The following HTT variants were observed in gnomAD, a reference collection of about 807,000 sequenced individuals.
The protein encoded by HTT is huntingtin.
A neutral mutation model predicts 362.3 loss-of-function variants in HTT; 104 were observed. The observed-to-expected ratio is 0.29, with a 90% CI of 0.24 to 0.34. The LOEUF (loss-of-function observed/expected upper bound fraction) is 0.34, where lower values mean the gene tolerates loss of function less well. HTT is among the 10% of genes least tolerant of loss of function. The pLI, the probability that HTT is intolerant of heterozygous loss-of-function variation, is 1.00. For synonymous variants in HTT, 1,577 were observed against 1,548.7 expected, an observed-to-expected ratio of 1.02 and a Z score of -0.43; for missense variants, 3,301 against 3,928.6, an observed-to-expected ratio of 0.84 and a Z score of 4.27.
intron 52 of HTT, among the ~76,000 whole-genome samples, chr4:3,219,612 G>A (rs1213613332): frequency 6.6e-6 from 1 of 152,162 alleles, no homozygotes; most frequent in Non-Finnish European, 1.5e-5. Flanking sequence ...GGGTTCCGTT[G>A]GGTCCTTTGT....
At chr4:3,229,540 C>CCACA (rs531881241) in intron 59 of HTT, among the ~76,000 whole-genome samples, 1 of 150,148 alleles carries the variant, frequency 6.7e-6, no homozygotes, top group African/African-American at 2.5e-5. Context: ...CACACACATG[C>CCACA]CACACACACA....
At position 3,220,211 on chromosome 4, in the gene HTT, G is replaced by T; in HGVS notation, c.7272G>T (p.Pro2424=). Residue 2424 remains proline (P), a synonymous_variant, in exon 53 of 67, where the codon CCG becomes CCT. Coordinates refer to ENST00000355072, the MANE Select transcript of HTT (RefSeq NM_001388492.1). ...LVWKLGWSPK[P]GGDFGTAFPE... is the part of the protein sequence containing the mutation. ...GGAAGCTTGGATGGTCACCCAAACC[G>T]GGAGGGGATTTTGGCACAGCATTCC... The T allele has an allele frequency of 6.2e-7, 1 of 1,614,098 alleles. No homozygotes were observed. Among genetic ancestry groups the T allele is most frequent in the South Asian group, 1.1e-5 (1 of 91,078 alleles).
In HTT at chr4:3,222,469, G is replaced by A; in HGVS notation, c.7452G>A (p.Gln2484=). The change falls in exon 54 of 67, where the codon CAG becomes CAA. Residue 2484 remains glutamine, a synonymous_variant. Transcript: ENST00000355072. ...TGACGCAGCCCCTCGTGATGGAGCA[G>A]GAGGAGAGCCCACCAGAAGTAAGGC... The part of the protein sequence containing the change: ...VLVTQPLVME[Q]EESPPEEDTE... 1.9e-6 allele frequency: 3 copies of A among 1,614,050 alleles called. No homozygotes were observed. The highest frequency in any genetic ancestry group is 2.5e-6 in the Non-Finnish European group (3 of 1,179,974).
chr4:3,117,642 GC>G (rs1231347062), intron 8 of HTT, among the ~76,000 whole-genome samples: 12 of 152,080 alleles, frequency 7.9e-5, no homozygotes, highest in Non-Finnish European at 1.6e-4. Context: ...TTTGAGACCA[GC>G]CCGGGAAACA....
At chr4:3,204,651 A>C (rs145048040) in intron 42 of HTT, among the ~76,000 whole-genome samples, 1 of 152,090 alleles carries the variant, frequency 6.6e-6, no homozygotes, top group Admixed American at 6.5e-5. Context: ...ATGGTGTGAG[A>C]CACCCATCTC....
At chr4:3,223,708 C>G in intron 55 of HTT, 148 bp downstream of exon 55, 1 of 803,602 alleles carries the variant, frequency 1.2e-6, no homozygotes, top group East Asian at 2.7e-5. Context: ...GCAGGAGATG[C>G]AGACCCAAAG....
intron 25 of HTT, among the ~76,000 whole-genome samples, chr4:3,147,683 GGAA>G (rs2110205212): frequency 6.6e-6 from 1 of 152,280 alleles, no homozygotes; most frequent in South Asian, 2.1e-4. Context: ...GGGACTGTAG[GGAA>G]GACACTGATT....
intron 54 of HTT, among the ~76,000 whole-genome samples, 200 bp from the exon 55 acceptor site, chr4:3,223,206 T>A (rs362319): frequency 6.6e-6 from 1 of 152,136 alleles, no homozygotes; most frequent in East Asian, 1.9e-4. Context: ...AAAAATGGGC[T>A]TTTGCCCATC....
intron 52 of HTT, among the ~76,000 whole-genome samples, chr4:3,219,759 C>T (rs1720590439): frequency 6.6e-6 from 1 of 152,210 alleles, no homozygotes; most frequent in Non-Finnish European, 1.5e-5. Context: ...AACTGGACTT[C>T]AGAGTTTACA....
At chr4:3,216,092 G>A (rs535062313) in intron 51 of HTT, among the ~76,000 whole-genome samples, 2 of 152,312 alleles carry the variant, frequency 1.3e-5, no homozygotes, top group East Asian at 3.9e-4. Flanking sequence ...GTGCACCAGT[G>A]CTTTTGGGCT....
intron 41 of HTT, among the ~76,000 whole-genome samples, chr4:3,200,490 A>G (rs1393711568): frequency 2.6e-5 from 4 of 152,136 alleles, no homozygotes; most frequent in African/African-American, 4.8e-5. Context: ...CATTATTTGT[A>G]TATGTATGGA....
In HTT at chr4:3,122,922, C is replaced by T; in HGVS notation, c.1307C>T (p.Ser436Leu). Residue 436 changes from serine to leucine, a missense_variant, in exon 10 of 67, where the codon TCA becomes TTA. Ser to Leu is a moderately radical substitution (Grantham distance 145, BLOSUM62 -2). This residue lies in a region of HTT where 2,316 missense variants were observed against 2,658.5 expected (regional missense o/e 0.87). Coordinates refer to ENST00000355072, the MANE Select transcript of HTT (RefSeq NM_001388492.1). ...GGTTCCTCATGCAGCCCTGTCCTTT[C>T]AAGAAAACAAAAAGGTGATTATTTC... ...GGGSSCSPVL[S>L]RKQKGKVLLG... is the part of the protein sequence containing the mutation. 7 of 1,610,334 alleles carry T rather than the reference C, an allele frequency of 4.3e-6. No individual in the cohort carries two copies. The highest frequency in any genetic ancestry group is 5.9e-6 in the Non-Finnish European group (7 of 1,178,118).
intron 1 of HTT, among the ~76,000 whole-genome samples, chr4:3,084,092 G>A (rs942905225): frequency 6.6e-6 from 1 of 152,032 alleles, no homozygotes; most frequent in African/African-American, 2.4e-5. Context: ...GGTTAGAGAT[G>A]GGGTAGTAGA....
rs57986232 is a variant in HTT, at chr4:3,138,065, GTTCCTTCC to G, written c.2798+1767_2798+1774del. ...AACTGCTCTTCAAAAACATACCATT[GTTCCTTCC>G]TTCCTTCCTTCCTTCCTTCCTTCCT... On this transcript the variant is annotated intron_variant, in intron 21 of 66. Coordinates refer to ENST00000355072, the MANE Select transcript of HTT (RefSeq NM_001388492.1). Among the ~76,000 whole-genome samples the G allele has an allele frequency of 2.5e-3, 370 of 145,462 alleles. 1 individual carries two copies. The highest frequency in any genetic ancestry group is 0.02 in the South Asian group (91 of 4,504).
intron 11 of HTT, among the ~76,000 whole-genome samples, chr4:3,126,485 T>G (rs1715525541): frequency 6.6e-6 from 1 of 152,226 alleles, no homozygotes; most frequent in African/African-American, 2.4e-5. Flanking sequence ...ATATTTTAGC[T>G]ATAACTGAAA....
At chr4:3,081,488 G>T (rs534674615) in intron 1 of HTT, among the ~76,000 whole-genome samples, 1 of 151,424 alleles carries the variant, frequency 6.6e-6, no homozygotes, top group South Asian at 2.1e-4. Context: ...CCAAAAATAT[G>T]CAGGTTATAG....
intron 29 of HTT, among the ~76,000 whole-genome samples, chr4:3,169,022 CTTT>C (rs761540640): frequency 2.1e-5 from 3 of 141,116 alleles, no homozygotes; most frequent in South Asian, 2.3e-4. Flanking sequence ...TTCTTTCTTT[CTTT>C]TTTTTTTTTT....
At chr4:3,137,007 A>C (rs1338388281) in intron 21 of HTT, among the ~76,000 whole-genome samples, 1 of 151,396 alleles carries the variant, frequency 6.6e-6, no homozygotes, top group Non-Finnish European at 1.5e-5. Flanking sequence ...TCCCTGGTTC[A>C]AGCGATTCTC....
chr4:3,240,401 T>G lies in HTT; in HGVS notation c.*342T>G. The G allele has an allele frequency of 2.9e-6, 1 of 347,512 alleles. No homozygotes were observed. The highest frequency in any genetic ancestry group is 5.4e-6 in the Non-Finnish European group (1 of 184,350). The allele number at this position is 347,512 out of a possible 1,614,324, so 21.5% of individuals were successfully genotyped here. A position where few individuals can be genotyped will look rare whatever the true frequency, so the allele number is the denominator to read the frequency against. ...GCTGCTCTTGCATCTGGGCCAGAAG[T>G]CCTCCCTCCTGCAGGCTGGCTGTTG... On this transcript the variant is annotated 3_prime_UTR_variant, in exon 67 of 67. Coordinates refer to ENST00000355072, the MANE Select transcript of HTT (RefSeq NM_001388492.1).
Sources: gnomAD v4.1 joint callset for allele counts (sites outside exome capture counted in the v4.1 genomes callset) on GRCh38, gnomAD v4.1.1 for gene constraint, gnomAD v4.1.1 regional missense constraint, MANE v1.5 for transcripts, NCBI Gene and HGNC (gene_info 2026-07-23, HGNC 2026-07-21) for gene names.